Variants in TRPV1 observed in about 807,000 individuals in gnomAD.
TRPV1 encodes the protein OTRPC1.
In TRPV1, 82 loss-of-function variants were observed where a neutral mutation model predicts 82.3. The observed-to-expected ratio is 1.00, with a 90% CI of 0.83 to 1.20. TRPV1 has a LOEUF of 1.20. TRPV1 is among the 50% of genes most tolerant of loss of function. TRPV1 has a pLI of 0.00. For missense variants in TRPV1, 1,067 were observed against 1,096.8 expected, an observed-to-expected ratio of 0.97 and a Z score of 0.38; for synonymous variants, 515 against 467.7, an observed-to-expected ratio of 1.10 and a Z score of -1.30.
At chr17:3,588,794 A>C in intron 7 of TRPV1, 1 of 1,005,216 alleles carries the variant, frequency 9.9e-7, no homozygotes, top group Non-Finnish European at 1.4e-6. Context: ...AGCCTGGGCA[A>C]CAAGAGCGAA....
chr17:3,603,095 G>C (rs928240264), intron 2 of TRPV1, among the ~76,000 whole-genome samples: 1 of 151,648 alleles, frequency 6.6e-6, no homozygotes, highest in African/African-American at 2.4e-5. Context: ...ACTCCAGCCT[G>C]GGCAACAAGA....
intron 13 of TRPV1, among the ~76,000 whole-genome samples, chr17:3,575,072 A>G (rs1174450242): frequency 6.6e-6 from 1 of 152,200 alleles, no homozygotes; most frequent in Non-Finnish European, 1.5e-5. Flanking sequence ...GAATCCATGA[A>G]AACAAAAGAC....
intron 11 of TRPV1, among the ~76,000 whole-genome samples, chr17:3,579,374 G>A (rs965619025): frequency 6.6e-6 from 1 of 152,128 alleles, no homozygotes; most frequent in Non-Finnish European, 1.5e-5. Flanking sequence ...ACTGTGAGCC[G>A]AGATCCCAGG....
At chr17:3,597,414 G>T (rs1002742364) in intron 2 of TRPV1, among the ~76,000 whole-genome samples, 1 of 152,136 alleles carries the variant, frequency 6.6e-6, no homozygotes. Flanking sequence ...TAACTGTTCC[G>T]TTTTCAAAAT....
intron 7 of TRPV1, among the ~76,000 whole-genome samples, chr17:3,588,715 G>A (rs1462978122): frequency 2.6e-5 from 4 of 151,558 alleles, no homozygotes; most frequent in African/African-American, 7.3e-5. Context: ...TTGAGAGGCC[G>A]AGACAGGAGA....
At chr17:3,600,585 T>C (rs1267505363) in intron 2 of TRPV1, among the ~76,000 whole-genome samples, 1 of 150,348 alleles carries the variant, frequency 6.7e-6, no homozygotes, top group East Asian at 1.9e-4. Context: ...CGAGACTCCA[T>C]TTAAAAAAAA....
At chr17:3,592,439 G>A (rs1192361216) in intron 2 of TRPV1, 56 bp from the exon 3 acceptor site, 19 of 1,444,328 alleles carry the variant, frequency 1.3e-5, no homozygotes, top group Non-Finnish European at 1.7e-5. Context: ...CTTGTCCTTA[G>A]ACCCCACCTG....
intron 2 of TRPV1, among the ~76,000 whole-genome samples, chr17:3,595,033 G>A (rs1376340322): frequency 6.6e-6 from 1 of 152,140 alleles, no homozygotes; most frequent in Non-Finnish European, 1.5e-5. Flanking sequence ...TGCTTTGGAA[G>A]CCTGGGGGGC....
rs201303810 is a variant in TRPV1 at position 3,591,017 on chromosome 17, G to A, written c.551C>T (p.Thr184Met). ...IPLLLEIARQ[T>M]DSLKELVNAS... ...GTTGACAAGCTCCTTCAGGCTGTCC[G>A]TTTGCCGCGCGATCTCCAGGAGCAG... The change falls in exon 5 of 17, where the codon ACG becomes ATG. Residue 184 changes from threonine (T) to methionine (M), a missense_variant. Thr to Met is a moderately conservative substitution (Grantham distance 81, BLOSUM62 -1). Transcript: ENST00000572705. The A allele has an allele frequency of 4.3e-5, 70 of 1,611,400 alleles. No individual in the cohort carries two copies. The highest frequency in any genetic ancestry group is 5.7e-5 in the Non-Finnish European group (67 of 1,179,056).
At chr17:3,596,575 C>A (rs1225661536) in intron 2 of TRPV1, among the ~76,000 whole-genome samples, 1 of 152,200 alleles carries the variant, frequency 6.6e-6, no homozygotes, top group Non-Finnish European at 1.5e-5. Flanking sequence ...CGGCCACACA[C>A]CAGCAATCTC....
chr17:3,569,690 T>C (rs1040425856), intron 16 of TRPV1, among the ~76,000 whole-genome samples: 1 of 152,106 alleles, frequency 6.6e-6, no homozygotes, highest in African/African-American at 2.4e-5. Flanking sequence ...CCAGAAGTCT[T>C]TGGGGCAGAT....
intron 16 of TRPV1, among the ~76,000 whole-genome samples, chr17:3,569,152 G>A (rs2074814374): frequency 6.6e-6 from 1 of 152,140 alleles, no homozygotes; most frequent in Non-Finnish European, 1.5e-5. Context: ...AGCATTAGAA[G>A]ATATACCTAA....
At chr17:3,581,866 C>A (rs1182182935) in intron 10 of TRPV1, among the ~76,000 whole-genome samples, 4 of 120,960 alleles carry the variant, frequency 3.3e-5, no homozygotes, top group Non-Finnish European at 6.7e-5. Context: ...GCCTGGGCAA[C>A]TAAGCGAGAC....
rs2074944918 is a variant in TRPV1, at chr17:3,577,206, C to G, written c.1714-14G>C. On this transcript the variant is annotated splice_polypyrimidine_tract_variant and intron_variant, in intron 12 of 16. Coordinates refer to ENST00000572705, the MANE Select transcript of TRPV1 (RefSeq NM_080704.4). ...TCTCAGGATCATCTGCAGGAGACAG[C>G]AGGCTCATCAGAGCCGAGGCCAGGC... The G allele has an allele frequency of 1.3e-6, 2 of 1,572,230 alleles. No homozygotes were observed. Among genetic ancestry groups the G allele is most frequent in the Non-Finnish European group, 1.7e-6 (2 of 1,159,236 alleles).
At chr17:3,576,675 A>ATATATATATATATATG (rs2074935400) in intron 13 of TRPV1, among the ~76,000 whole-genome samples, 1 of 108,810 alleles carries the variant, frequency 9.2e-6, no homozygotes, top group Non-Finnish European at 1.9e-5. Context: ...AAAAATATAT[A>ATATATATATATATATG]TATATATATA....
rs889606252 is a variant in TRPV1, at chr17:3,572,004, T to C, written c.2231+118A>G. The C allele has an allele frequency of 1.5e-5, 20 of 1,354,176 alleles. No individual in the cohort carries two copies. In the African/African-American group the frequency reaches 2.3e-4, roughly 16 times the overall value. The allele number at this position is 1,354,176 out of a possible 1,614,324, so 83.9% of individuals were successfully genotyped here. A position where few individuals can be genotyped will look rare whatever the true frequency, so the allele number is the denominator to read the frequency against. ...ACGGCCCCAATCCCTACAGCTGGCATTGGGAGAGCCCCCTGTGCTCATGAC... is the reference window on the plus strand; with the variant it reads ...ACGGCCCCAATCCCTACAGCTGGCACTGGGAGAGCCCCCTGTGCTCATGAC... On this transcript the variant is annotated intron_variant, in intron 15 of 16. Coordinates refer to ENST00000572705, the MANE Select transcript of TRPV1 (RefSeq NM_080704.4).
chr17:3,583,400 A>G lies in TRPV1; in HGVS notation c.1414T>C (p.Tyr472His), dbSNP rs2075045844. The change falls in exon 10 of 17, where the codon TAT (tyrosine) becomes CAT (histidine). Residue 472 changes from tyrosine (Y) to histidine (H), a missense_variant. Tyr to His is a moderately conservative substitution (Grantham distance 83, BLOSUM62 2). Coordinates refer to ENST00000572705, the MANE Select transcript of TRPV1 (RefSeq NM_080704.4). ...PPFKMEKTGD[Y>H]FRVTGEILSV... ...AGGATCTCTCCAGTAACTCGGAAAT[A>G]GTCTCCAGTTTTTTCCATCTTAAAG... 6.2e-7 allele frequency: 1 copy of G among 1,609,436 alleles called. No individual in the cohort carries two copies. The highest frequency in any genetic ancestry group is 1.3e-5 in the African/African-American group (1 of 74,882).
intron 2 of TRPV1, among the ~76,000 whole-genome samples, chr17:3,603,241 G>A (rs1353343543): frequency 5.9e-5 from 9 of 152,178 alleles, no homozygotes; most frequent in African/African-American, 1.4e-4. Context: ...GGAGGGCAGC[G>A]GTCTGCGAGC....
At chr17:3,569,849 C>T (rs551932177) in intron 16 of TRPV1, among the ~76,000 whole-genome samples, 51 of 152,066 alleles carry the variant, frequency 3.4e-4, no homozygotes, top group African/African-American at 1.2e-3. Flanking sequence ...CAACCTTTAA[C>T]GTCTCTGTCC....
Sources: gnomAD v4.1 joint callset for allele counts (sites outside exome capture counted in the v4.1 genomes callset) on GRCh38, gnomAD v4.1.1 for gene constraint, MANE v1.5 for transcripts, NCBI Gene and HGNC (gene_info 2026-07-23, HGNC 2026-07-21) for gene names.